The following ESRRG variants were observed in gnomAD, a reference collection of about 807,000 sequenced individuals.
The protein encoded by ESRRG is estrogen-related receptor gamma.
In ESRRG, 13 loss-of-function variants were observed where a neutral mutation model predicts 44.0. The observed-to-expected ratio is 0.30, with a 90% CI of 0.19 to 0.47. The LOEUF is 0.47. Among genes scored for constraint, ESRRG ranks in the 20% least tolerant of loss-of-function variants. The probability of loss-of-function intolerance (pLI) is 1.00; values close to 1 mark genes in which losing one functional copy is unlikely to be tolerated. For synonymous variants in ESRRG, 215 were observed against 214.6 expected (o/e 1.00, Z -0.02); for missense variants, 395 against 580.6 (o/e 0.68, Z 3.29).
chr1:216,739,830 C>T (rs934698490), intron 2 of ESRRG, among the ~76,000 whole-genome samples: 4 of 152,200 alleles, frequency 2.6e-5, no homozygotes. Flanking sequence ...CAGACCAAGA[C>T]ACCTCTCAAC....
intron 2 of ESRRG, among the ~76,000 whole-genome samples, chr1:216,754,680 C>A (rs902594914): frequency 6.8e-6 from 1 of 147,440 alleles, no homozygotes; most frequent in African/African-American, 2.5e-5. Context: ...TAAGTCAGTA[C>A]AACCAGGCAA....
chr1:216,618,980 G>C (rs1262624167), intron 3 of ESRRG, among the ~76,000 whole-genome samples: 2 of 152,222 alleles, frequency 1.3e-5, no homozygotes, highest in African/African-American at 4.8e-5. Context: ...AACCCTGTAG[G>C]CTTTGTCAGA....
chr1:216,531,827 C>T (rs2049448516), intron 5 of ESRRG, among the ~76,000 whole-genome samples: 1 of 152,232 alleles, frequency 6.6e-6, no homozygotes, highest in African/African-American at 2.4e-5. Flanking sequence ...GCACCCACAG[C>T]AGTCCCTCTA....
intron 1 of ESRRG, among the ~76,000 whole-genome samples, chr1:216,708,919 C>T (rs371672094): frequency 5.3e-5 from 8 of 152,178 alleles, no homozygotes; most frequent in South Asian, 2.1e-4. Context: ...TTTGCAGGAA[C>T]GTGGATGAAG....
intron 2 of ESRRG, among the ~76,000 whole-genome samples, chr1:216,736,752 A>G (rs1240614559): frequency 6.6e-6 from 1 of 152,146 alleles, no homozygotes; most frequent in Non-Finnish European, 1.5e-5. Context: ...GGTTGAAAAC[A>G]CAAATGATTA....
intron 2 of ESRRG, among the ~76,000 whole-genome samples, chr1:216,770,792 A>T (rs2093348887): frequency 6.6e-6 from 1 of 151,986 alleles, no homozygotes; most frequent in Non-Finnish European, 1.5e-5. Context: ...TCAAAAGCTG[A>T]TAGTAGATTC....
At chr1:217,041,734 G>C (rs931261500) in intron 1 of ESRRG, among the ~76,000 whole-genome samples, 6 of 152,190 alleles carry the variant, frequency 3.9e-5, no homozygotes, top group South Asian at 2.1e-4. Flanking sequence ...GCAGATTCAA[G>C]TGTCACAGCT....
chr1:216,740,919 C>G (rs2090607468), intron 2 of ESRRG, among the ~76,000 whole-genome samples: 2 of 151,260 alleles, frequency 1.3e-5, no homozygotes, highest in East Asian at 3.9e-4. Context: ...TATTGACATT[C>G]TTTCATTTTT....
rs142708990 is a variant in ESRRG, at chr1:216,736,483, G to A, written c.-13-58992C>T. On this transcript the variant is annotated intron_variant, in intron 2 of 7. Coordinates refer to the ESRRG transcript ENST00000359162. Reference sequence around the variant, plus strand: ...CAGGCGTGAGCCACCATGCCTGGCCGTTAAGGACTATTTTAACTGTGATAT... The same window carrying A: ...CAGGCGTGAGCCACCATGCCTGGCCATTAAGGACTATTTTAACTGTGATAT... 3.2e-3 allele frequency among the ~76,000 whole-genome samples: 492 copies of A among 152,078 alleles called. 13 individuals are homozygous for A. In the East Asian group the frequency reaches 0.06, roughly 19 times the overall value.
At chr1:217,020,493 T>G (rs1052670715) in intron 1 of ESRRG, among the ~76,000 whole-genome samples, 1 of 152,190 alleles carries the variant, frequency 6.6e-6, no homozygotes, top group Non-Finnish European at 1.5e-5. Flanking sequence ...TTCCTCTCCT[T>G]CATATCAGAG....
At chr1:216,695,222 CAAAT>C in intron 1 of ESRRG, among the ~76,000 whole-genome samples, 1 of 151,842 alleles carries the variant, frequency 6.6e-6, no homozygotes, top group Non-Finnish European at 1.5e-5. Flanking sequence ...AATATAAAAA[CAAAT>C]TAATGCTTTG....
chr1:216,974,814 A>G (rs1275802691), intron 1 of ESRRG, among the ~76,000 whole-genome samples: 1 of 150,096 alleles, frequency 6.7e-6, no homozygotes, highest in Non-Finnish European at 1.5e-5. Context: ...CTTTTCTCTC[A>G]TTCTCTCTCT....
intron 1 of ESRRG, among the ~76,000 whole-genome samples, chr1:217,061,352 A>T (rs985356018): frequency 5.9e-5 from 9 of 152,164 alleles, no homozygotes; most frequent in African/African-American, 1.9e-4. Context: ...GAGAATATGT[A>T]TCAAAATAGC....
chr1:216,644,427 CTTTTTTT>C (rs71161439), intron 3 of ESRRG, among the ~76,000 whole-genome samples: 1 of 128,500 alleles, frequency 7.8e-6, no homozygotes, highest in Admixed American at 8.2e-5. Flanking sequence ...TTCTTTCTTT[CTTTTTTT>C]TTTTTTTTTT....
At position 216,927,279 on chromosome 1, in the gene ESRRG, T is replaced by C. The variant is rs377043202; in HGVS notation, c.-14+12303A>G. Among the ~76,000 whole-genome samples the C allele has an allele frequency of 2.6e-5, 4 of 152,332 alleles. No individual in the cohort carries two copies. In the South Asian group the frequency reaches 8.3e-4, roughly 32 times the overall value. ...TGGGAATGCGGTGCCTGGGGCAATGTTCCTTTTTGCTTAGAAGGGACCTGC... is the reference window on the plus strand; with the variant it reads ...TGGGAATGCGGTGCCTGGGGCAATGCTCCTTTTTGCTTAGAAGGGACCTGC... On this transcript the variant is annotated intron_variant, in intron 2 of 7. Transcript: ENST00000359162.
chr1:216,991,886 G>T (rs1282720399), intron 1 of ESRRG, among the ~76,000 whole-genome samples: 1 of 152,186 alleles, frequency 6.6e-6, no homozygotes. Context: ...GCCACTAAAT[G>T]TGCAACATAT....
intron 3 of ESRRG, among the ~76,000 whole-genome samples, chr1:216,579,295 T>C (rs992144122): frequency 6.6e-6 from 1 of 152,156 alleles, no homozygotes; most frequent in African/African-American, 2.4e-5. Context: ...TTAATATGGA[T>C]CCACTCCAGA....
intron 1 of ESRRG, among the ~76,000 whole-genome samples, chr1:216,960,910 C>T (rs910476101): frequency 2.0e-5 from 3 of 152,090 alleles, no homozygotes; most frequent in Admixed American, 6.6e-5. Flanking sequence ...CATGTAAATG[C>T]ACATAGCTGT....
chr1:216,786,253 T>C (rs1249084708), intron 2 of ESRRG, among the ~76,000 whole-genome samples: 1 of 152,102 alleles, frequency 6.6e-6, no homozygotes, highest in Non-Finnish European at 1.5e-5. Context: ...TAGACTTCCT[T>C]CCCTTCTGGC....
Sources: gnomAD v4.1 joint callset for allele counts (sites outside exome capture counted in the v4.1 genomes callset) on GRCh38, gnomAD v4.1.1 for gene constraint, MANE v1.5 for transcripts, NCBI Gene and HGNC (gene_info 2026-07-23, HGNC 2026-07-21) for gene names.